UNC5C: variants seen among roughly 807,000 people sequenced by gnomAD.
UNC5C encodes the protein unc-5 netrin receptor C, also known as netrin receptor UNC5C.
UNC5C carries 47 observed loss-of-function variants against 99.8 expected under a neutral mutation model. The observed-to-expected ratio is 0.47, with a 90% CI of 0.37 to 0.60. UNC5C has a LOEUF of 0.60. Ranked by LOEUF, UNC5C falls within the 20% of genes least tolerant of loss-of-function variation. The pLI is 0.00. For missense variants in UNC5C, 1,062 were observed against 1,165.9 expected, an observed-to-expected ratio of 0.91 and a Z score of 1.30; for synonymous variants, 487 against 452.2, an observed-to-expected ratio of 1.08 and a Z score of -0.98.
chr4:95,532,242 A>C (rs1722665174), intron 1 of UNC5C, among the ~76,000 whole-genome samples: 1 of 152,108 alleles, frequency 6.6e-6, no homozygotes, highest in African/African-American at 2.4e-5. Flanking sequence ...TTTAGCTAGA[A>C]TCTAAGAGAT....
chr4:95,193,763 G>A (rs1737258118), intron 12 of UNC5C, among the ~76,000 whole-genome samples: 2 of 152,120 alleles, frequency 1.3e-5, no homozygotes, highest in South Asian at 2.1e-4. Flanking sequence ...GCTTTTCGGC[G>A]ACGCTGCTGT....
intron 1 of UNC5C, among the ~76,000 whole-genome samples, chr4:95,345,625 A>C (rs1743742910): frequency 6.6e-6 from 1 of 152,044 alleles, no homozygotes; most frequent in African/African-American, 2.4e-5. Flanking sequence ...AAGTCTTAAA[A>C]AATTAAAAAA....
Position 95,219,732 on chromosome 4 carries a change from C to A in UNC5C, c.1300+253G>T, listed in dbSNP as rs565641466. 2.6e-5 allele frequency among the ~76,000 whole-genome samples: 4 copies of A among 152,214 alleles called. 1 individual carries two copies. Among genetic ancestry groups the A allele is most frequent in the African/African-American group, 9.6e-5 (4 of 41,508 alleles). ...AAAGAGACTCAAGAAATCAGTCAACCAATCAGGGTACTCTTTTCGATTAGA... is the reference window on the plus strand; with the variant it reads ...AAAGAGACTCAAGAAATCAGTCAACAAATCAGGGTACTCTTTTCGATTAGA... On this transcript the variant is annotated intron_variant, in intron 8 of 15. Transcript: ENST00000453304.
At chr4:95,493,182 A>G (rs1353901248) in intron 1 of UNC5C, among the ~76,000 whole-genome samples, 1 of 151,330 alleles carries the variant, frequency 6.6e-6, no homozygotes, top group Non-Finnish European at 1.5e-5. Context: ...GTAAATGTGA[A>G]ATGACCATGG....
chr4:95,292,601 A>T (rs548896983), intron 3 of UNC5C, among the ~76,000 whole-genome samples: 99 of 152,276 alleles, frequency 6.5e-4, no homozygotes, highest in African/African-American at 2.3e-3. Flanking sequence ...ACAAACCATT[A>T]ACTAATAAAT....
intron 14 of UNC5C, among the ~76,000 whole-genome samples, chr4:95,178,845 A>G (rs999094039): frequency 3.9e-5 from 6 of 152,110 alleles, no homozygotes; most frequent in Admixed American, 3.3e-4. Flanking sequence ...CACTCAGCCT[A>G]TTTATTTCTG....
At chr4:95,367,403 TC>T in intron 1 of UNC5C, among the ~76,000 whole-genome samples, 1 of 152,176 alleles carries the variant, frequency 6.6e-6, no homozygotes, top group African/African-American at 2.4e-5. Context: ...GGTTTCAAAC[TC>T]CTGGTCTCAA....
intron 5 of UNC5C, among the ~76,000 whole-genome samples, chr4:95,248,858 G>T (rs1421717235): frequency 6.6e-6 from 1 of 152,086 alleles, no homozygotes; most frequent in Non-Finnish European, 1.5e-5. Flanking sequence ...TATAGCCTAA[G>T]TGTAGTGTTC....
chr4:95,343,163 T>C (rs951246275), intron 1 of UNC5C, among the ~76,000 whole-genome samples: 2 of 152,036 alleles, frequency 1.3e-5, no homozygotes, highest in Non-Finnish European at 2.9e-5. Flanking sequence ...TGAGAGAACA[T>C]AGATGATAGC....
chr4:95,222,751 C>T (rs548110754), intron 7 of UNC5C, among the ~76,000 whole-genome samples: 1 of 152,154 alleles, frequency 6.6e-6, no homozygotes, highest in African/African-American at 2.4e-5. Flanking sequence ...GTTAAGTACC[C>T]ATTTACTGAG....
Position 95,496,343 on chromosome 4 carries a change from T to C in UNC5C, c.124+52391A>G, listed in dbSNP as rs542905724. Among the ~76,000 whole-genome samples, 6 of 151,972 alleles carry C rather than the reference T, an allele frequency of 3.9e-5. No individual in the cohort carries two copies. The South Asian group carries it at 1.2e-3, about 32-fold the overall frequency. ...TCAAGAAGACTATATTAGTATCTGATGGAAAATTAAAAGTACTGAGTATGT... is the reference window on the plus strand; with the variant it reads ...TCAAGAAGACTATATTAGTATCTGACGGAAAATTAAAAGTACTGAGTATGT... On this transcript the variant is annotated intron_variant, in intron 1 of 15. Coordinates refer to ENST00000453304, the MANE Select transcript of UNC5C (RefSeq NM_003728.4).
At chr4:95,253,238 G>A (rs1317422858) in intron 4 of UNC5C, among the ~76,000 whole-genome samples, 1 of 151,960 alleles carries the variant, frequency 6.6e-6, no homozygotes, top group Non-Finnish European at 1.5e-5. Context: ...CAAAACTACG[G>A]TTCCTCCTAT....
intron 1 of UNC5C, among the ~76,000 whole-genome samples, chr4:95,397,597 G>C (rs1310471419): frequency 1.3e-5 from 2 of 152,044 alleles, no homozygotes; most frequent in Admixed American, 6.5e-5. Flanking sequence ...CATTGAACAG[G>C]ATAAATTGCA....
intron 1 of UNC5C, among the ~76,000 whole-genome samples, chr4:95,377,284 C>CA (rs1744923531): frequency 6.6e-6 from 1 of 152,120 alleles, no homozygotes; most frequent in African/African-American, 2.4e-5. Flanking sequence ...TCCAACTGTT[C>CA]AACATTTGCT....
At chr4:95,201,218 C>T (rs1403952760) in intron 12 of UNC5C, among the ~76,000 whole-genome samples, 1 of 152,162 alleles carries the variant, frequency 6.6e-6, no homozygotes, top group African/African-American at 2.4e-5. Context: ...ACAATCTCTA[C>T]ACCCCAAGGC....
chr4:95,542,724 T>A (rs1175188625), intron 1 of UNC5C, among the ~76,000 whole-genome samples: 1 of 151,916 alleles, frequency 6.6e-6, no homozygotes, highest in African/African-American at 2.4e-5. Flanking sequence ...TCATAAAGAG[T>A]CCAAATATCT....
At chr4:95,436,499 A>C (rs1482606914) in intron 1 of UNC5C, among the ~76,000 whole-genome samples, 1 of 151,976 alleles carries the variant, frequency 6.6e-6, no homozygotes, top group Non-Finnish European at 1.5e-5. Context: ...AATTACAGAA[A>C]CTGCTATGGA....
intron 1 of UNC5C, among the ~76,000 whole-genome samples, chr4:95,467,700 G>C (rs1433597370): frequency 1.3e-5 from 2 of 152,026 alleles, no homozygotes; most frequent in East Asian, 3.9e-4. Context: ...TGGGCTTAGG[G>C]GGCACCAACC....
At chr4:95,382,516 A>G (rs1336205988) in intron 1 of UNC5C, among the ~76,000 whole-genome samples, 1 of 152,112 alleles carries the variant, frequency 6.6e-6, no homozygotes, top group East Asian at 1.9e-4. Flanking sequence ...CATTTTGCAT[A>G]AATCCATCTT....
Sources: allele counts gnomAD v4.1 joint callset (sites outside exome capture counted in the v4.1 genomes callset), GRCh38; gene constraint gnomAD v4.1.1; transcripts MANE v1.5; gene names NCBI Gene and HGNC (gene_info 2026-07-23, HGNC 2026-07-21).